ARHGAP24: variants seen among roughly 807,000 people sequenced by gnomAD.
The protein encoded by ARHGAP24 is rho GTPase-activating protein 24.
In ARHGAP24, 50 loss-of-function variants were observed where a neutral mutation model predicts 76.4. The observed-to-expected ratio is 0.65, with a 90% CI of 0.52 to 0.83. The LOEUF is 0.83. Ranked by LOEUF, ARHGAP24 falls within the 40% of genes least tolerant of loss-of-function variation. The pLI is 0.00. For missense variants in ARHGAP24, 930 were observed against 914.2 expected (o/e 1.02, Z -0.22); for synonymous variants, 345 against 323.3 (o/e 1.07, Z -0.72).
At chr4:85,931,161 C>A in intron 4 of ARHGAP24, 2 of 1,049,462 alleles carry the variant, frequency 1.9e-6, no homozygotes, top group Non-Finnish European at 2.7e-6. Context: ...TAGGACTGTA[C>A]AAGAGTGATT....
At chr4:85,844,775 G>GT (rs1730783233) in intron 3 of ARHGAP24, among the ~76,000 whole-genome samples, 1 of 152,128 alleles carries the variant, frequency 6.6e-6, no homozygotes, top group Non-Finnish European at 1.5e-5. Context: ...TCATAATTCT[G>GT]TTGTTTTATT....
At position 85,942,259 on chromosome 4, in the gene ARHGAP24, G is replaced by A. The variant is rs764935952; in HGVS notation, c.585G>A (p.Lys195=). The part of the protein sequence containing the change: ...ELQDAFDCGE[K]PSFDSNTDVH... ...AAGATGCCTTTGACTGTGGGGAGAAGCCATCATTTGACAGGTAGATGTCAC... is the reference window on the plus strand; with the variant it reads ...AAGATGCCTTTGACTGTGGGGAGAAACCATCATTTGACAGGTAGATGTCAC... Residue 195 remains lysine (K), a synonymous_variant, in exon 5 of 10, where the codon AAG becomes AAA. Transcript: ENST00000395184. 7.4e-6 allele frequency: 12 copies of A among 1,613,908 alleles called. No homozygotes were observed. The highest frequency in any genetic ancestry group is 9.3e-6 in the Non-Finnish European group (11 of 1,180,010).
chr4:85,674,739 G>A (rs1282951076), intron 2 of ARHGAP24, among the ~76,000 whole-genome samples: 1 of 152,150 alleles, frequency 6.6e-6, no homozygotes, highest in Non-Finnish European at 1.5e-5. Context: ...TTGCTATGCA[G>A]GATATACCAG....
rs765558281 is a variant in ARHGAP24 at position 85,994,815 on chromosome 4, G to A, written c.1161G>A (p.Met387Ile). The A allele has an allele frequency of 1.4e-5, 23 of 1,614,142 alleles. No individual in the cohort carries two copies. The East Asian group carries it at 5.1e-4, about 36-fold the overall frequency. Residue 387 changes from methionine to isoleucine, a missense_variant, in exon 9 of 10, where the codon ATG becomes ATA. By Grantham distance (10) the Met-to-Ile change is conservative. Transcript: ENST00000395184. ...CTGAGTCACCCCAGAGAAGCAGCAT[G>A]AACAATGGATCCCCCACAGCTCTAT... ...DKSESPQRSS[M>I]NNGSPTALSG...
intron 2 of ARHGAP24, among the ~76,000 whole-genome samples, chr4:85,664,300 G>C (rs1433870014): frequency 2.6e-5 from 4 of 151,064 alleles, no homozygotes; most frequent in Non-Finnish European, 4.4e-5. Flanking sequence ...TATTTGCGTA[G>C]AGGTGTTTGT....
chr4:85,895,002 A>G (rs1578356769), intron 3 of ARHGAP24, among the ~76,000 whole-genome samples: 1 of 11,528 alleles, frequency 8.7e-5, no homozygotes, highest in Non-Finnish European at 1.9e-4. Context: ...AACAAAAAGC[A>G]AAAAAAAAAA....
Position 85,880,681 on chromosome 4 carries a change from A to G in ARHGAP24, c.269-42967A>G, listed in dbSNP as rs1733200376. On this transcript the variant is annotated intron_variant, in intron 3 of 9. Coordinates refer to ENST00000395184, the MANE Select transcript of ARHGAP24 (RefSeq NM_001025616.3). ...GTAGCTGGGACCGCAGGCGCCCAAC[A>G]TCACGCCCGGCTAATTTTTTGTATT... 3.9e-5 allele frequency among the ~76,000 whole-genome samples: 6 copies of G among 152,148 alleles called. No individual in the cohort carries two copies. In the South Asian group the frequency reaches 1.2e-3, roughly 32 times the overall value.
intron 3 of ARHGAP24, among the ~76,000 whole-genome samples, chr4:85,837,501 A>G (rs1730353116): frequency 1.3e-5 from 2 of 152,134 alleles, no homozygotes; most frequent in Admixed American, 6.5e-5. Flanking sequence ...TCTATGTTAC[A>G]TGAAGACAAA....
intron 3 of ARHGAP24, among the ~76,000 whole-genome samples, chr4:85,905,090 G>GT (rs11386795): frequency 0.65 from 98,288 of 151,976 alleles, 32,571 homozygotes; most frequent in East Asian, 0.99. Flanking sequence ...CATTTAATTT[G>GT]TTTTTTCTTC....
intron 2 of ARHGAP24, among the ~76,000 whole-genome samples, chr4:85,715,642 T>C (rs995524254): frequency 1.3e-5 from 2 of 152,076 alleles, no homozygotes; most frequent in Non-Finnish European, 2.9e-5. Context: ...TTTACTGTTA[T>C]CAGGAAATTA....
chr4:85,840,406 G>A (rs1162044907), intron 3 of ARHGAP24, among the ~76,000 whole-genome samples: 1 of 152,210 alleles, frequency 6.6e-6, no homozygotes, highest in Non-Finnish European at 1.5e-5. Context: ...ATGAAGAAGA[G>A]ATAAGCTTCA....
intron 2 of ARHGAP24, among the ~76,000 whole-genome samples, chr4:85,575,086 A>T (rs1727317548): frequency 6.6e-6 from 1 of 152,202 alleles, no homozygotes; most frequent in South Asian, 2.1e-4. Context: ...TAGCTATTTA[A>T]TATTTAATAT....
Position 85,943,289 on chromosome 4 carries a change from G to T in ARHGAP24, c.599+1016G>T, listed in dbSNP as rs548399904. On this transcript the variant is annotated intron_variant, in intron 5 of 9. Coordinates refer to ENST00000395184, the MANE Select transcript of ARHGAP24 (RefSeq NM_001025616.3). ...GCTGTCATAACAAAATATCATAAATGGAGTGATTTATAAACAAAATTTATT... is the reference window on the plus strand; with the variant it reads ...GCTGTCATAACAAAATATCATAAATTGAGTGATTTATAAACAAAATTTATT... Among the ~76,000 whole-genome samples the T allele has an allele frequency of 3.0e-4, 46 of 152,156 alleles. 1 individual carries two copies. Among genetic ancestry groups the T allele is most frequent in the Middle Eastern group, 6.8e-3 (2 of 294 alleles).
intron 3 of ARHGAP24, 43 bp from the exon 4 acceptor site, chr4:85,923,605 C>CTCTGGATGCAACT: frequency 6.2e-7 from 1 of 1,612,292 alleles, no homozygotes; most frequent in South Asian, 1.1e-5. Flanking sequence ...CATGAGGAAT[C>CTCTGGATGCAACT]TCTGGATGCA....
intron 3 of ARHGAP24, among the ~76,000 whole-genome samples, chr4:85,879,828 T>C (rs1186140028): frequency 3.9e-5 from 6 of 152,142 alleles, no homozygotes; most frequent in African/African-American, 1.4e-4. Flanking sequence ...GTGCCTTGAA[T>C]GGAAGACAGT....
chr4:85,822,279 T>C (rs1404436351), intron 3 of ARHGAP24, among the ~76,000 whole-genome samples: 1 of 152,080 alleles, frequency 6.6e-6, no homozygotes, highest in East Asian at 1.9e-4. Context: ...AATGAGTTTT[T>C]TGGTTTGTTG....
chr4:85,481,241 C>G (rs1722803816), intron 1 of ARHGAP24, among the ~76,000 whole-genome samples: 2 of 152,078 alleles, frequency 1.3e-5, no homozygotes, highest in African/African-American at 4.8e-5. Context: ...GATGTTTAGG[C>G]TCAGAGAGGT....
intron 3 of ARHGAP24, among the ~76,000 whole-genome samples, chr4:85,910,950 G>A (rs1381627556): frequency 1.3e-5 from 2 of 152,082 alleles, no homozygotes; most frequent in African/African-American, 4.8e-5. Context: ...TGGCTTTCAT[G>A]GTGCCCTGCT....
intron 2 of ARHGAP24, among the ~76,000 whole-genome samples, chr4:85,600,052 A>C (rs1719983541): frequency 1.4e-5 from 2 of 145,402 alleles, no homozygotes; most frequent in South Asian, 4.1e-4. Flanking sequence ...TGTAAAGAAA[A>C]ATAAAATCAT....
Sources: allele counts gnomAD v4.1 joint callset (sites outside exome capture counted in the v4.1 genomes callset), GRCh38; gene constraint gnomAD v4.1.1; transcripts MANE v1.5; gene names NCBI Gene and HGNC (gene_info 2026-07-23, HGNC 2026-07-21).